The following SPECC1 variants were observed in gnomAD, a reference collection of about 807,000 sequenced individuals.
SPECC1 encodes sperm antigen with calponin homology and coiled-coil domains 1.
A neutral mutation model predicts 104.1 loss-of-function variants in SPECC1; 62 were observed. The observed-to-expected ratio is 0.60, with a 90% confidence interval of 0.49 to 0.74. SPECC1 has a LOEUF of 0.74. Among genes scored for constraint, SPECC1 ranks in the 30% least tolerant of loss-of-function variants. The pLI is 0.00. For synonymous variants in SPECC1, 513 were observed against 501.6 expected (o/e 1.02, Z -0.30); for missense variants, 1,306 against 1,310.5 (o/e 1.00, Z 0.05).
At chr17:20,049,348 C>T (rs2152459600) in intron 1 of SPECC1, among the ~76,000 whole-genome samples, 1 of 152,130 alleles carries the variant, frequency 6.6e-6, no homozygotes, top group African/African-American at 2.4e-5. Flanking sequence ...CACCTGTAGT[C>T]CTGGTACTAT....
chr17:20,222,542 TGTC>T (rs1033077360), intron 4 of SPECC1, among the ~76,000 whole-genome samples: 1 of 152,252 alleles, frequency 6.6e-6, no homozygotes, highest in African/African-American at 2.4e-5. Context: ...TTTTTGTTGT[TGTC>T]TGTTGTTTCT....
chr17:20,085,237 G>A (rs2047131474), intron 1 of SPECC1, among the ~76,000 whole-genome samples: 1 of 152,178 alleles, frequency 6.6e-6, no homozygotes, highest in South Asian at 2.1e-4. Context: ...CTCCAACAAA[G>A]AGGAGGTGGA....
intron 2 of SPECC1, among the ~76,000 whole-genome samples, chr17:20,108,054 G>A (rs1027350421): frequency 1.3e-5 from 2 of 152,126 alleles, no homozygotes; most frequent in African/African-American, 2.4e-5. Flanking sequence ...AGGCAATGGC[G>A]AGTTACTGTT....
chr17:20,030,351 A>T (rs2044759712), intron 1 of SPECC1, among the ~76,000 whole-genome samples: 1 of 151,898 alleles, frequency 6.6e-6, no homozygotes, highest in Non-Finnish European at 1.5e-5. Flanking sequence ...TTTTTGTGGT[A>T]TTTTTGTATT....
chr17:20,109,782 T>G (rs2048391600), intron 2 of SPECC1, among the ~76,000 whole-genome samples: 1 of 152,196 alleles, frequency 6.6e-6, no homozygotes, highest in South Asian at 2.1e-4. Flanking sequence ...CTACCCTGCC[T>G]TTTGTGCATC....
intron 1 of SPECC1, among the ~76,000 whole-genome samples, chr17:20,079,105 G>C (rs2046871633): frequency 6.6e-6 from 1 of 152,082 alleles, no homozygotes; most frequent in Non-Finnish European, 1.5e-5. Flanking sequence ...TTATGTTTTA[G>C]AAAAGGAAGC....
chr17:20,018,943 CAGG>C (rs2044260404), intron 1 of SPECC1, among the ~76,000 whole-genome samples: 1 of 152,160 alleles, frequency 6.6e-6, no homozygotes, highest in Admixed American at 6.6e-5. Flanking sequence ...TGAAGAAAAG[CAGG>C]AGTTCAGCAT....
chr17:20,275,938 G>C (rs572776362), intron 12 of SPECC1, among the ~76,000 whole-genome samples: 3 of 152,008 alleles, frequency 2.0e-5, no homozygotes, highest in Non-Finnish European at 4.4e-5. Context: ...TGAACCATAC[G>C]TAAAGGTTTC....
At position 20,204,725 on chromosome 17, in the gene SPECC1, A is replaced by G. The variant is rs370838354; in HGVS notation, c.676A>G (p.Ile226Val). Residue 226 changes from isoleucine to valine, a missense_variant, in exon 4 of 15, where the codon ATA (isoleucine) becomes GTA (valine). Physicochemically the swap from Ile to Val is conservative, Grantham distance 29. Around this residue, in one of 2 missense-constraint regions of SPECC1, gnomAD observed 1,177 missense variants for 1,139.9 expected, o/e 1.03. Transcript: ENST00000395527. The part of the protein sequence containing the change: ...SVSPGDTEPM[I>V]RALEEKNKNF... ...CTCCCCAGGTGACACGGAACCTATG[A>G]TAAGAGCTCTTGAGGAGAAGAACAA... 25 of 1,614,090 alleles carry G rather than the reference A, an allele frequency of 1.5e-5. No individual in the cohort carries two copies. Among genetic ancestry groups the G allele is most frequent in the South Asian group, 4.4e-5 (4 of 91,078 alleles).
intron 3 of SPECC1, among the ~76,000 whole-genome samples, chr17:20,170,943 TC>T (rs1208382392): frequency 1.3e-5 from 2 of 152,206 alleles, no homozygotes; most frequent in African/African-American, 4.8e-5. Context: ...CTCTAATTGG[TC>T]CTGCTTTTCT....
intron 13 of SPECC1, among the ~76,000 whole-genome samples, chr17:20,301,791 C>T (rs1229605535): frequency 3.3e-5 from 5 of 152,146 alleles, no homozygotes; most frequent in East Asian, 1.9e-4. Flanking sequence ...CTGCAACCTC[C>T]GCCTCCCAAG....
chr17:20,150,523 C>T (rs2031909587), intron 3 of SPECC1, among the ~76,000 whole-genome samples: 1 of 151,696 alleles, frequency 6.6e-6, no homozygotes, highest in Non-Finnish European at 1.5e-5. Context: ...CCTGTAATCC[C>T]AGCTACTCGG....
chr17:20,036,787 C>A (rs1398832698), intron 1 of SPECC1, among the ~76,000 whole-genome samples: 6 of 152,154 alleles, frequency 3.9e-5, no homozygotes, highest in African/African-American at 1.2e-4. Flanking sequence ...TGCCAATCTG[C>A]AGGTCTTTCA....
At chr17:20,111,161 G>A (rs764843496) in intron 3 of SPECC1, among the ~76,000 whole-genome samples, 2 of 152,172 alleles carry the variant, frequency 1.3e-5, no homozygotes, top group Non-Finnish European at 2.9e-5. Flanking sequence ...TTCTCTCTTT[G>A]TGCATATAGA....
chr17:20,091,142 T>G (rs2047384821), intron 1 of SPECC1, among the ~76,000 whole-genome samples: 1 of 152,176 alleles, frequency 6.6e-6, no homozygotes, highest in African/African-American at 2.4e-5. Context: ...ACTTTGGAAT[T>G]TTTCTTCTGA....
At chr17:20,084,017 C>CA (rs2047081368) in intron 1 of SPECC1, among the ~76,000 whole-genome samples, 1 of 152,160 alleles carries the variant, frequency 6.6e-6, no homozygotes, top group Non-Finnish European at 1.5e-5. Context: ...GCTTATTTGC[C>CA]ATCCAAATAT....
chr17:20,200,893 A>T (rs2036386175), intron 3 of SPECC1, among the ~76,000 whole-genome samples: 1 of 150,762 alleles, frequency 6.6e-6, no homozygotes, highest in Admixed American at 6.6e-5. Context: ...GACATAGTAA[A>T]AAAAAAAAAA....
In SPECC1 at chr17:20,121,847, T is replaced by G. The variant is rs143030994; in HGVS notation, c.283+11285T>G. ...CTTGTCAAAAGCACCCACCTTCTCC[T>G]CTGCTACAAGTTCTGGTTCTGACAA... On this transcript the variant is annotated intron_variant, in intron 3 of 14. Coordinates refer to ENST00000395527, the MANE Select transcript of SPECC1 (RefSeq NM_001243439.2). Among the ~76,000 whole-genome samples, 867 of 152,344 alleles carry G rather than the reference T, an allele frequency of 5.7e-3. 3 individuals are homozygous for G. Among genetic ancestry groups the G allele is most frequent in the African/African-American group, 0.015 (627 of 41,584 alleles).
At chr17:20,156,006 G>A (rs1393834966) in intron 3 of SPECC1, 1 of 1,284,412 alleles carries the variant, frequency 7.8e-7, no homozygotes, top group Non-Finnish European at 9.9e-7. Context: ...ATGAGGGGGC[G>A]GGGCCCACGG....
Sources: allele counts gnomAD v4.1 joint callset (sites outside exome capture counted in the v4.1 genomes callset), GRCh38; gene constraint gnomAD v4.1.1; regional missense constraint gnomAD v4.1.1; transcripts MANE v1.5; gene names NCBI Gene and HGNC (gene_info 2026-07-23, HGNC 2026-07-21).